The following CREB3L1 variants were observed in gnomAD, a reference collection of about 807,000 sequenced individuals.
The protein encoded by CREB3L1 is cAMP responsive element binding protein 3 like 1, also known as cyclic AMP-responsive element-binding protein 3-like protein 1.
CREB3L1 carries 33 observed loss-of-function variants against 54.5 expected under a neutral mutation model. The ratio of observed to expected loss-of-function variants is 0.61; its 90% confidence interval spans 0.46 to 0.81. CREB3L1 has a LOEUF of 0.81. Ranked by LOEUF, CREB3L1 falls within the 30% of genes least tolerant of loss-of-function variation. CREB3L1 has a pLI of 0.00. For missense variants in CREB3L1, 656 were observed against 673.3 expected (o/e 0.97, Z 0.29); for synonymous variants, 284 against 286.4 (o/e 0.99, Z 0.08).
Position 46,308,018 on chromosome 11 carries a change from T to C in CREB3L1, c.516+18T>C. The C allele has an allele frequency of 1.3e-6, 2 of 1,500,074 alleles. No homozygotes were observed. Among genetic ancestry groups the C allele is most frequent in the South Asian group, 1.3e-5 (1 of 77,610 alleles). The allele number at this position is 1,500,074 out of a possible 1,614,324, so 92.9% of individuals were successfully genotyped here. On this transcript the variant is annotated intron_variant, in intron 3 of 11. Transcript: ENST00000621158. Reference sequence around the variant, plus strand: ...CCCACCAGGTGAGCCTGGGAACTGTTTGTAGCGGCTGAGGGAGGGAGGAGG... The same window carrying C: ...CCCACCAGGTGAGCCTGGGAACTGTCTGTAGCGGCTGAGGGAGGGAGGAGG...
In CREB3L1 at chr11:46,305,742, A is replaced by T. The variant is rs1304401704; in HGVS notation, c.332-2074A>T. Among the ~76,000 whole-genome samples the T allele has an allele frequency of 5.7e-3, 563 of 98,458 alleles. 13 individuals carry two copies. Among genetic ancestry groups the T allele is most frequent in the African/African-American group, 0.021 (386 of 18,812 alleles). 64.6% of individuals were successfully genotyped at this position (98,458 alleles called of 152,430 possible). ...TGTGTGTGTGTGTGTGTATATATAT[A>T]TATATTTTTTTTTAAGACGGAGTCT... On this transcript the variant is annotated intron_variant, in intron 2 of 11. Transcript: ENST00000621158.
intron 9 of CREB3L1, 25 bp from the exon 10 acceptor site, chr11:46,317,336 G>C (rs780453594): frequency 3.1e-5 from 50 of 1,613,700 alleles, no homozygotes; most frequent in Admixed American, 1.0e-4. Context: ...CCCCAGATCT[G>C]ATGCCACTCT....
chr11:46,315,119 C>A, intron 8 of CREB3L1: 2 of 239,382 alleles, frequency 8.4e-6, no homozygotes, highest in Non-Finnish European at 1.7e-5. Context: ...CCTTGGTATG[C>A]AGCAGGTGCT....
At chr11:46,300,309 T>C in intron 2 of CREB3L1, 146 bp downstream of exon 2, 1 of 637,386 alleles carries the variant, frequency 1.6e-6, no homozygotes, top group South Asian at 1.9e-5. Context: ...GAGGTGCTCC[T>C]CCCTGCCTTT....
chr11:46,319,435 C>T (rs1187590657), intron 10 of CREB3L1, among the ~76,000 whole-genome samples: 2 of 152,170 alleles, frequency 1.3e-5, no homozygotes, highest in African/African-American at 4.8e-5. Context: ...TAGAGTTTCT[C>T]TAAGATTTTA....
At chr11:46,296,269 C>A (rs1939209619) in intron 1 of CREB3L1, among the ~76,000 whole-genome samples, 1 of 152,028 alleles carries the variant, frequency 6.6e-6, no homozygotes, top group African/African-American at 2.4e-5. Context: ...GGTCTGAGGT[C>A]TCCAAAATGG....
At chr11:46,301,211 C>A (rs1239623868) in intron 2 of CREB3L1, among the ~76,000 whole-genome samples, 1 of 150,364 alleles carries the variant, frequency 6.7e-6, no homozygotes, top group African/African-American at 2.4e-5. Flanking sequence ...CGTGGTGGTG[C>A]GCTCCTGTAG....
rs1487218690 is a variant in CREB3L1 at position 46,278,093 on chromosome 11, G to T, written c.-19G>T. On this transcript the variant is annotated 5_prime_UTR_variant, in exon 1 of 12. Coordinates refer to ENST00000621158, the MANE Select transcript of CREB3L1 (RefSeq NM_052854.4). The surrounding 1 kb of genome is among the most constrained non-coding windows in gnomAD (Gnocchi z 4.2). ...AGTGAGGGAAGCCCAGTGGAAGGGG[G>T]TCCCGGGAGCCGGCTGCGATGGACG... 5 of 1,513,802 alleles carry T rather than the reference G, an allele frequency of 3.3e-6. No homozygotes were observed. In the East Asian group the frequency reaches 1.2e-4, roughly 38 times the overall value. 93.8% of individuals were successfully genotyped at this position (1,513,802 alleles called of 1,614,324 possible).
rs777683063 is a variant in CREB3L1, at chr11:46,307,913, C to T, written c.429C>T (p.Ala143=). ...SPELPVDPLA[A]PSAMAAAAAM... ...AGCTGCCCGTGGACCCTCTGGCTGC[C>T]CCCTCGGCCATGGCTGCCGCGGCCG... Residue 143 remains alanine (A), a synonymous_variant, in exon 3 of 12, where the codon GCC becomes GCT. Transcript: ENST00000621158. 22 of 1,572,356 alleles carry T rather than the reference C, an allele frequency of 1.4e-5. No individual in the cohort carries two copies. Among genetic ancestry groups the T allele is most frequent in the African/African-American group, 4.1e-5 (3 of 73,582 alleles).
rs376498466 is a variant in CREB3L1, at chr11:46,317,400, G to A, written c.1171G>A (p.Val391Met). Residue 391 changes from valine (V) to methionine (M), a missense_variant, in exon 10 of 12, where the codon GTG becomes ATG. By Grantham distance (21) the Val-to-Met change is conservative. Coordinates refer to ENST00000621158, the MANE Select transcript of CREB3L1 (RefSeq NM_052854.4). ...LCFVLVLGSLVPCLPEFSSGS... is the reference protein window; with the variant it reads ...LCFVLVLGSLMPCLPEFSSGS... The stretch of plus-strand genomic sequence containing the variant: ...CTTTGTTCTGGTGCTGGGCTCCCTC[G>A]TGCCCTGCCTTCCCGAGTTCTCCTC... The A allele has an allele frequency of 3.7e-5, 59 of 1,613,652 alleles. No individual in the cohort carries two copies. The highest frequency in any genetic ancestry group is 1.5e-4 in the African/African-American group (11 of 74,882).
At chr11:46,305,628 GTATATATATACATATA>G (rs200531686) in intron 2 of CREB3L1, among the ~76,000 whole-genome samples, 7 of 133,170 alleles carry the variant, frequency 5.3e-5, no homozygotes, top group South Asian at 2.3e-4. Flanking sequence ...GTATATATAT[GTATATATATACATATA>G]TATGTGTGTA....
rs61885561 is a variant in CREB3L1 at position 46,278,761 on chromosome 11, G to C, written c.102+548G>C. Among the ~76,000 whole-genome samples, 36,110 of 152,176 alleles carry C rather than the reference G, an allele frequency of 0.24. 4,475 individuals are homozygous for C. Among genetic ancestry groups the C allele is most frequent in the South Asian group, 0.25 (1,231 of 4,830 alleles). On this transcript the variant is annotated intron_variant, in intron 1 of 11. Coordinates refer to ENST00000621158, the MANE Select transcript of CREB3L1 (RefSeq NM_052854.4). The surrounding 1 kb of genome is among the most constrained non-coding windows in gnomAD (Gnocchi z 4.2). Reference sequence around the variant, plus strand: ...ACCCCAGGGAGGGACCTGAGGCTGGGGGCTGGGAAGAGGCGGTCAGGGCAA... The same window carrying C: ...ACCCCAGGGAGGGACCTGAGGCTGGCGGCTGGGAAGAGGCGGTCAGGGCAA...
chr11:46,315,997 G>A lies in CREB3L1; in HGVS notation c.1032-289G>A, dbSNP rs1939561195. 3.9e-5 allele frequency: 13 copies of A among 334,874 alleles called. No individual in the cohort carries two copies. In the South Asian group the frequency reaches 7.5e-4, roughly 19 times the overall value. 20.7% of individuals were successfully genotyped at this position (334,874 alleles called of 1,614,324 possible). On this transcript the variant is annotated intron_variant, in intron 8 of 11. Coordinates refer to ENST00000621158, the MANE Select transcript of CREB3L1 (RefSeq NM_052854.4). ...GTGTCGGTTAAGCAAAAGAAGGCTG[G>A]CATCTGTGCAGCTGGGGGCAGGCCT...
intron 1 of CREB3L1, among the ~76,000 whole-genome samples, chr11:46,289,900 A>C (rs1939107293): frequency 6.6e-6 from 1 of 152,102 alleles, no homozygotes; most frequent in Non-Finnish European, 1.5e-5. Flanking sequence ...GCTCCTCTGA[A>C]GGGTCTCAGT....
chr11:46,278,011 C>A lies in CREB3L1; in HGVS notation c.-101C>A. 1.7e-6 allele frequency: 1 copy of A among 575,510 alleles called. No homozygotes were observed. The highest frequency in any genetic ancestry group is 2.7e-6 in the Non-Finnish European group (1 of 367,286). The allele number at this position is 575,510 out of a possible 1,614,324, so 35.7% of individuals were successfully genotyped here. The stretch of plus-strand genomic sequence containing the variant: ...CGGGGCTTCGCCCCGGACCTGCCCC[C>A]CGCCCGTTTGCCAGCGCTCAGGCAG... On this transcript the variant is annotated 5_prime_UTR_variant, in exon 1 of 12. Coordinates refer to ENST00000621158, the MANE Select transcript of CREB3L1 (RefSeq NM_052854.4). This position sits in a 1 kb window ranked among gnomAD's most constrained non-coding sequence, Gnocchi z 4.2.
intron 2 of CREB3L1, among the ~76,000 whole-genome samples, 176 bp downstream of exon 2, chr11:46,300,339 A>C (rs570825376): frequency 1.7e-4 from 26 of 152,340 alleles, no homozygotes; most frequent in African/African-American, 5.1e-4. Flanking sequence ...CTCAGCTCAA[A>C]GCCAGAGGAG....
intron 11 of CREB3L1, 66 bp from the exon 12 acceptor site, chr11:46,320,644 T>C (rs1037347902): frequency 1.3e-6 from 2 of 1,572,102 alleles, no homozygotes; most frequent in African/African-American, 2.7e-5. Flanking sequence ...TTGGTCTAGA[T>C]CCAGCTTGCA....
intron 1 of CREB3L1, among the ~76,000 whole-genome samples, chr11:46,290,490 C>G (rs368854202): frequency 4.6e-5 from 7 of 152,140 alleles, no homozygotes; most frequent in African/African-American, 1.7e-4. Flanking sequence ...GGCCTTCACC[C>G]CTTTCTCTCC....
At chr11:46,313,264 C>T (rs1026075253) in intron 8 of CREB3L1, among the ~76,000 whole-genome samples, 4 of 152,182 alleles carry the variant, frequency 2.6e-5, no homozygotes, top group Non-Finnish European at 4.4e-5. Flanking sequence ...TAGGGCCCAG[C>T]GCCCTGTGTT....
Sources: allele counts gnomAD v4.1 joint callset (sites outside exome capture counted in the v4.1 genomes callset), GRCh38; gene constraint gnomAD v4.1.1; non-coding constraint Gnocchi (gnomAD v3.1); transcripts MANE v1.5; gene names NCBI Gene and HGNC (gene_info 2026-07-23, HGNC 2026-07-21).